Variants in LCORL observed in about 807,000 individuals in gnomAD.
LCORL encodes ligand dependent nuclear receptor corepressor like.
Under a neutral mutation model 141.8 loss-of-function variants are expected in LCORL, and 41 were observed. That is an observed-to-expected ratio of 0.29 (90% CI 0.23 to 0.38). The LOEUF (loss-of-function observed/expected upper bound fraction) is 0.38, where lower values mean the gene tolerates loss of function less well. LCORL is among the 10% of genes least tolerant of loss of function. LCORL has a pLI of 1.00. For missense variants in LCORL, 1,759 were observed against 2,035.0 expected (o/e 0.86, Z 2.61); for synonymous variants, 618 against 694.1 (o/e 0.89, Z 1.72).
At chr4:17,998,680 G>A (rs1002051721) in intron 1 of LCORL, among the ~76,000 whole-genome samples, 4 of 151,702 alleles carry the variant, frequency 2.6e-5, no homozygotes, top group Admixed American at 6.6e-5. Context: ...AAAAACTATA[G>A]TACATGTTCG....
At chr4:17,977,520 A>G (rs1332697260) in intron 1 of LCORL, among the ~76,000 whole-genome samples, 1 of 152,164 alleles carries the variant, frequency 6.6e-6, no homozygotes, top group Non-Finnish European at 1.5e-5. Context: ...TTTAATTTGT[A>G]TTTCCCTATT....
intron 4 of LCORL, among the ~76,000 whole-genome samples, chr4:17,957,899 G>C (rs753464787): frequency 6.6e-6 from 1 of 151,934 alleles, no homozygotes; most frequent in African/African-American, 2.4e-5. Context: ...CTTAAGGCCT[G>C]AATGAATCAT....
chr4:17,889,719 G>GAGAAAGCCC (rs1249065676), intron 5 of LCORL, among the ~76,000 whole-genome samples: 2 of 151,678 alleles, frequency 1.3e-5, no homozygotes, highest in Non-Finnish European at 2.9e-5. Flanking sequence ...GGGAAGGATA[G>GAGAAAGCCC]AGAAAGCCCA....
intron 4 of LCORL, among the ~76,000 whole-genome samples, chr4:17,925,923 A>G (rs1735067150): frequency 6.7e-6 from 1 of 149,490 alleles, no homozygotes; most frequent in Non-Finnish European, 1.5e-5. Flanking sequence ...TTCTGCATGT[A>G]TACACTTGTA....
chr4:17,890,974 A>T (rs1280651294), intron 5 of LCORL, among the ~76,000 whole-genome samples: 1 of 152,104 alleles, frequency 6.6e-6, no homozygotes, highest in Non-Finnish European at 1.5e-5. Flanking sequence ...CCTCCAAGGA[A>T]ATCATTCTGT....
intron 7 of LCORL, among the ~76,000 whole-genome samples, chr4:17,849,868 T>A (rs1723418292): frequency 2.0e-5 from 3 of 152,000 alleles, no homozygotes; most frequent in Non-Finnish European, 2.9e-5. Flanking sequence ...TCACGCTACC[T>A]GACTTCAAAT....
At chr4:18,013,672 T>C (rs989409311) in intron 1 of LCORL, among the ~76,000 whole-genome samples, 2 of 152,212 alleles carry the variant, frequency 1.3e-5, no homozygotes, top group African/African-American at 4.8e-5. Flanking sequence ...AATTTAAACA[T>C]GAAGACTACT....
At chr4:17,867,889 T>C (rs984334755) in intron 7 of LCORL, among the ~76,000 whole-genome samples, 2 of 152,218 alleles carry the variant, frequency 1.3e-5, no homozygotes, top group Non-Finnish European at 2.9e-5. Flanking sequence ...CAAAATATTA[T>C]GGCAAAAGTT....
At chr4:17,927,811 G>A (rs1004978121) in intron 4 of LCORL, among the ~76,000 whole-genome samples, 1 of 152,114 alleles carries the variant, frequency 6.6e-6, no homozygotes, top group African/African-American at 2.4e-5. Flanking sequence ...TACTAAAAAA[G>A]TTTGAAATAT....
At chr4:17,951,301 T>C (rs976127926) in intron 4 of LCORL, among the ~76,000 whole-genome samples, 4 of 152,222 alleles carry the variant, frequency 2.6e-5, no homozygotes, top group Non-Finnish European at 5.9e-5. Flanking sequence ...AACTATTTCT[T>C]TGTATGTAAA....
At chr4:17,910,094 C>G (rs1406478746) in intron 4 of LCORL, among the ~76,000 whole-genome samples, 1 of 152,098 alleles carries the variant, frequency 6.6e-6, no homozygotes, top group Non-Finnish European at 1.5e-5. Context: ...AGAGTTTTAA[C>G]CAAAACATTT....
chr4:18,016,997 A>C (rs1457925618), intron 1 of LCORL, among the ~76,000 whole-genome samples: 1 of 152,124 alleles, frequency 6.6e-6, no homozygotes, highest in African/African-American at 2.4e-5. Flanking sequence ...AATGGAGGTA[A>C]ATTTGGAAAA....
chr4:17,854,595 G>A lies in LCORL; in HGVS notation c.5603-8694C>T, dbSNP rs552300619. ...CAAAATATCTAGCCAGGTAAACACA[G>A]TTTCTAAGGGTGACCATGAGGTCTA... On this transcript the variant is annotated intron_variant, in intron 7 of 7. Coordinates refer to ENST00000635767, the Ensembl canonical transcript of LCORL. Among the ~76,000 whole-genome samples the A allele has an allele frequency of 5.3e-5, 8 of 152,216 alleles. No homozygotes were observed. In the East Asian group the frequency reaches 1.4e-3, roughly 26 times the overall value.
intron 7 of LCORL, among the ~76,000 whole-genome samples, chr4:17,858,517 G>A (rs1299165621): frequency 2.0e-5 from 3 of 151,558 alleles, no homozygotes; most frequent in South Asian, 4.2e-4. Context: ...CTGAGGTCAG[G>A]AGTTCGAGAC....
At chr4:17,875,040 C>A (rs558198606) in exon 7 of LCORL, 1 of 1,233,580 alleles carries the variant, frequency 8.1e-7, no homozygotes, top group Non-Finnish European at 1.0e-6. Flanking sequence ...ACGTTTTGAT[C>A]CATTTTTAAA....
At chr4:17,987,621 C>G (rs1202477805) in intron 1 of LCORL, among the ~76,000 whole-genome samples, 1 of 152,120 alleles carries the variant, frequency 6.6e-6, no homozygotes, top group African/African-American at 2.4e-5. Context: ...AACTGACAAA[C>G]TGCTTCCCAA....
Position 17,903,123 on chromosome 4 carries a change from AGGATGGT to A in LCORL, c.682+5964_682+5970del, listed in dbSNP as rs1393606407. On this transcript the variant is annotated intron_variant, in intron 5 of 7. Transcript: ENST00000635767. Reference sequence around the variant, plus strand: ...TCATTTTAGTTATCTGTGGCGTCTGAGGATGGTGAAGATTTTTAATTTAATAAATAAA... The same window carrying A: ...TCATTTTAGTTATCTGTGGCGTCTGAGAAGATTTTTAATTTAATAAATAAA... Among the ~76,000 whole-genome samples the A allele has an allele frequency of 2.0e-5, 3 of 152,110 alleles. No homozygotes were observed. The East Asian group carries it at 5.8e-4, about 29-fold the overall frequency.
At chr4:18,019,494 A>C (rs1725148325) in intron 1 of LCORL, among the ~76,000 whole-genome samples, 1 of 152,258 alleles carries the variant, frequency 6.6e-6, no homozygotes, top group Non-Finnish European at 1.5e-5. Context: ...ATAAAAGTGT[A>C]ATACAGTAGT....
Position 17,884,581 on chromosome 4 carries a change from T to A in LCORL, c.776+1487A>T, listed in dbSNP as rs1348465558. ...TTTTAAAAGATGCAGGCTTCCCTGC[T>A]GGTAAGGCTTCTAAGTGAAGAAGTA... On this transcript the variant is annotated intron_variant, in intron 6 of 7. Coordinates refer to ENST00000635767, the Ensembl canonical transcript of LCORL. The surrounding 1 kb of genome is among the most constrained non-coding windows in gnomAD (Gnocchi z 4.4). 2 of 1,539,258 alleles carry A rather than the reference T, an allele frequency of 1.3e-6. No individual in the cohort carries two copies. Among genetic ancestry groups the A allele is most frequent in the Admixed American group, 4.2e-5 (2 of 47,060 alleles).
Sources: allele counts gnomAD v4.1 joint callset (sites outside exome capture counted in the v4.1 genomes callset), GRCh38; gene constraint gnomAD v4.1.1; non-coding constraint Gnocchi (gnomAD v3.1); transcripts MANE v1.5; gene names NCBI Gene and HGNC (gene_info 2026-07-23, HGNC 2026-07-21).